FNTB: variants seen among roughly 807,000 people sequenced by gnomAD.
FNTB encodes the protein farnesyltransferase, CAAX box, subunit beta.
Under a neutral mutation model 59.4 loss-of-function variants are expected in FNTB, and 27 were observed. The ratio of observed to expected loss-of-function variants is 0.45; its 90% CI spans 0.34 to 0.63. The LOEUF (loss-of-function observed/expected upper bound fraction) is 0.63. Ranked by LOEUF, FNTB falls within the 20% of genes least tolerant of loss-of-function variation. FNTB has a pLI of 0.02. For missense variants in FNTB, 449 were observed against 559.6 expected, an observed-to-expected ratio of 0.80 and a Z score of 1.99; for synonymous variants, 230 against 220.7, an observed-to-expected ratio of 1.04 and a Z score of -0.37.
At chr14:64,988,883 C>A (rs1383605134) in intron 1 of FNTB, among the ~76,000 whole-genome samples, 1 of 152,082 alleles carries the variant, frequency 6.6e-6, no homozygotes, top group Non-Finnish European at 1.5e-5. Flanking sequence ...ATTTTTGTGG[C>A]CTTCCTCACT....
At position 65,044,762 on chromosome 14, in the gene FNTB, T is replaced by C. The variant is rs547435461; in HGVS notation, c.955+319T>C. 1 of 315,982 alleles carries C rather than the reference T, an allele frequency of 3.2e-6. No homozygotes were observed. The highest frequency in any genetic ancestry group is 4.3e-5 in the South Asian group (1 of 23,366). 19.6% of individuals were successfully genotyped at this position (315,982 alleles called of 1,614,324 possible). On this transcript the variant is annotated intron_variant, in intron 9 of 11. Transcript: ENST00000246166. This position sits in a 1 kb window ranked among gnomAD's most constrained non-coding sequence, Gnocchi z 5.5. ...GGAGCAGCCCACTCCTGTCCTGGGC[T>C]CTGTGGTGATTGCCACCTCCTCTGG...
chr14:65,004,393 A>G (rs890254294), intron 2 of FNTB, 80 bp downstream of exon 2: 9 of 1,457,016 alleles, frequency 6.2e-6, no homozygotes, highest in Middle Eastern at 2.0e-4. Flanking sequence ...CCTTGAGCGA[A>G]TCTAACCACG....
intron 1 of FNTB, among the ~76,000 whole-genome samples, chr14:64,993,057 G>A (rs549387667): frequency 2.6e-5 from 4 of 152,112 alleles, no homozygotes; most frequent in East Asian, 1.9e-4. Flanking sequence ...GGCTGGTCCC[G>A]AACTCGAGCT....
chr14:64,995,134 G>T (rs745511871), intron 1 of FNTB, among the ~76,000 whole-genome samples: 1 of 152,046 alleles, frequency 6.6e-6, no homozygotes, highest in African/African-American at 2.4e-5. Context: ...ACCTAGACAG[G>T]GTCAGGATCA....
In FNTB at chr14:65,009,074, A is replaced by G. The variant is rs555601595; in HGVS notation, c.210-3243A>G. Among the ~76,000 whole-genome samples the G allele has an allele frequency of 1.3e-5, 2 of 152,322 alleles. No homozygotes were observed. Among genetic ancestry groups the G allele is most frequent in the East Asian group, 3.9e-4 (2 of 5,188 alleles). On this transcript the variant is annotated intron_variant, in intron 2 of 11. Transcript: ENST00000246166. The surrounding 1 kb of genome is among the most constrained non-coding windows in gnomAD (Gnocchi z 4.2). ...GTTTTGGGGCTGAATTGTTCAGGTA[A>G]AAATAGGAAGAGCTCTACCTTTTCT...
rs1233300849 is a variant in FNTB, at chr14:65,012,928, G to A, written c.282+539G>A. Among the ~76,000 whole-genome samples the A allele has an allele frequency of 6.6e-6, 1 of 152,110 alleles. No individual in the cohort carries two copies. The highest frequency in any genetic ancestry group is 2.4e-5 in the African/African-American group (1 of 41,410). ...GACTAGAGGACCAGTATAGAGAGTG[G>A]TCCTTGCAATTTAACATTACTGTTT... On this transcript the variant is annotated intron_variant, in intron 3 of 11. Coordinates refer to ENST00000246166, the MANE Select transcript of FNTB (RefSeq NM_002028.4). This position sits in a 1 kb window ranked among gnomAD's most constrained non-coding sequence, Gnocchi z 5.0.
Position 65,012,413 on chromosome 14 carries a change from T to C in FNTB, c.282+24T>C, listed in dbSNP as rs776357001. 162 of 1,613,728 alleles carry C rather than the reference T, an allele frequency of 1.0e-4. No homozygotes were observed. The highest frequency in any genetic ancestry group is 1.2e-4 in the Non-Finnish European group (147 of 1,179,786). On this transcript the variant is annotated intron_variant, in intron 3 of 11. Coordinates refer to ENST00000246166, the MANE Select transcript of FNTB (RefSeq NM_002028.4). This position sits in a 1 kb window ranked among gnomAD's most constrained non-coding sequence, Gnocchi z 5.0. ...AGGTAAACACATTACCCAGGAACTC[T>C]TGCTGTCAAATTATCCACCAAATCC...
At chr14:65,015,750 C>T (rs2139525452) in intron 4 of FNTB, 34 bp downstream of exon 4, 1 of 1,601,192 alleles carries the variant, frequency 6.2e-7, no homozygotes, top group Non-Finnish European at 8.5e-7. Context: ...GGGGTGTTCT[C>T]TGAAATTGTA....
chr14:65,009,412 G>A lies in FNTB; in HGVS notation c.210-2905G>A, dbSNP rs1447366791. Among the ~76,000 whole-genome samples, 1 of 151,986 alleles carries A rather than the reference G, an allele frequency of 6.6e-6. No homozygotes were observed. The highest frequency in any genetic ancestry group is 1.9e-4 in the East Asian group (1 of 5,192). The stretch of plus-strand genomic sequence containing the variant: ...TAGATTCCCTAACACACCCACCACC[G>A]TGGCCACTCCACAGCTCTCCCACCA... On this transcript the variant is annotated intron_variant, in intron 2 of 11. Coordinates refer to ENST00000246166, the MANE Select transcript of FNTB (RefSeq NM_002028.4). The surrounding 1 kb of genome is among the most constrained non-coding windows in gnomAD (Gnocchi z 4.2).
At chr14:65,060,006 G>C (rs2062825712) in intron 11 of FNTB, among the ~76,000 whole-genome samples, 1 of 151,384 alleles carries the variant, frequency 6.6e-6, no homozygotes, top group Non-Finnish European at 1.5e-5. Flanking sequence ...GCTAATTTTT[G>C]TATTTTTGTA....
In FNTB at chr14:65,016,006, C is replaced by G. The variant is rs138895399; in HGVS notation, c.374+290C>G. 3.6e-3 allele frequency among the ~76,000 whole-genome samples: 544 copies of G among 152,294 alleles called. 3 individuals are homozygous for G. The highest frequency in any genetic ancestry group is 0.012 in the African/African-American group (515 of 41,556). On this transcript the variant is annotated intron_variant, in intron 4 of 11. Transcript: ENST00000246166. ...GGTCTTTGAGAAAAGTCTTAATCAT[C>G]AACTCTGAGAGACAAGATTTTGCCA...
intron 2 of FNTB, among the ~76,000 whole-genome samples, chr14:65,010,322 G>C (rs984177210): frequency 2.0e-5 from 3 of 152,138 alleles, no homozygotes; most frequent in Non-Finnish European, 4.4e-5. Flanking sequence ...ACCTTCTGTG[G>C]CTTCACCTGT....
chr14:64,995,271 G>A (rs1357970210), intron 1 of FNTB, among the ~76,000 whole-genome samples: 3 of 152,042 alleles, frequency 2.0e-5, no homozygotes, highest in African/African-American at 7.3e-5. Context: ...TGAAGGACCT[G>A]CCTCAAGCTG....
At chr14:65,050,983 T>C (rs2062593793) in intron 9 of FNTB, among the ~76,000 whole-genome samples, 1 of 152,238 alleles carries the variant, frequency 6.6e-6, no homozygotes, top group South Asian at 2.1e-4. Flanking sequence ...CATATATGTA[T>C]GTATCTTCTA....
In FNTB at chr14:65,057,866, T is replaced by TG. The variant is rs113792117; in HGVS notation, c.1182+3178dup. ...TACCACACCCTCAAGTTTCCATACA[T>TG]GAAGGGGCCCTGTTTCTGGACTCTC... On this transcript the variant is annotated intron_variant, in intron 11 of 11. Coordinates refer to ENST00000246166, the MANE Select transcript of FNTB (RefSeq NM_002028.4). 6.2e-3 allele frequency among the ~76,000 whole-genome samples: 948 copies of TG among 152,346 alleles called. 11 individuals carry two copies. Among genetic ancestry groups the TG allele is most frequent in the African/African-American group, 0.022 (897 of 41,578 alleles).
chr14:65,008,002 G>A (rs2061621874), intron 2 of FNTB, among the ~76,000 whole-genome samples: 1 of 152,178 alleles, frequency 6.6e-6, no homozygotes, highest in African/African-American at 2.4e-5. Flanking sequence ...CACCAGCTTA[G>A]CTCCCGTGTT....
intron 7 of FNTB, among the ~76,000 whole-genome samples, chr14:65,035,773 A>C (rs936504963): frequency 6.6e-6 from 1 of 151,558 alleles, no homozygotes; most frequent in Non-Finnish European, 1.5e-5. Context: ...GGCTCAGGCT[A>C]TCCACCCACC....
Position 65,061,408 on chromosome 14 carries a change from C to G in FNTB, c.*96C>G. 1 of 1,524,672 alleles carries G rather than the reference C, an allele frequency of 6.6e-7. No individual in the cohort carries two copies. Among genetic ancestry groups the G allele is most frequent in the Non-Finnish European group, 8.8e-7 (1 of 1,133,702 alleles). The allele number at this position is 1,524,672 out of a possible 1,614,324, so 94.4% of individuals were successfully genotyped here. A position where few individuals can be genotyped will look rare whatever the true frequency, so the allele number is the denominator to read the frequency against. On this transcript the variant is annotated 3_prime_UTR_variant, in exon 12 of 12. Coordinates refer to ENST00000246166, the MANE Select transcript of FNTB (RefSeq NM_002028.4). ...ATACTGCATTCTGTGCTACACAAGC[C>G]TTAGCCTCAGTGGAGCTGTGGTTCT...
Position 64,987,010 on chromosome 14 carries a change from G to A in FNTB, c.57G>A (p.Trp19Ter). The A allele has an allele frequency of 6.2e-7, 1 of 1,614,190 alleles. No homozygotes were observed. Among genetic ancestry groups the A allele is most frequent in the Non-Finnish European group, 8.5e-7 (1 of 1,180,042 alleles). Reference sequence around the variant, plus strand: ...GCCCTCCATCTTCCTCCCCCGTCTGGTCAGAGCCGCTGTACAGTCTGAGGC... The same window carrying A: ...GCCCTCCATCTTCCTCCCCCGTCTGATCAGAGCCGCTGTACAGTCTGAGGC... ...YYCPPSSSPV[W>*]SEPLYSLRPE... The change falls in exon 1 of 12, where the codon TGG becomes TGA. Residue 19 changes from tryptophan (W) to a stop codon, truncating the protein, a stop_gained. Transcript: ENST00000246166. LOFTEE classifies it high-confidence loss of function.
Sources: gnomAD v4.1 joint callset for allele counts (sites outside exome capture counted in the v4.1 genomes callset) on GRCh38, gnomAD v4.1.1 for gene constraint, Gnocchi (gnomAD v3.1) non-coding constraint, MANE v1.5 for transcripts, NCBI Gene and HGNC (gene_info 2026-07-23, HGNC 2026-07-21) for gene names.